PHACTR3: variants seen among roughly 807,000 people sequenced by gnomAD.
PHACTR3 encodes protein phosphatase 1, regulatory subunit 123.
Under a neutral mutation model 66.8 loss-of-function variants are expected in PHACTR3, and 16 were observed. The observed-to-expected ratio is 0.24, with a 90% CI of 0.16 to 0.36. The LOEUF is 0.36. Among genes scored for constraint, PHACTR3 ranks in the 10% least tolerant of loss-of-function variants. The pLI is 1.00. For synonymous variants in PHACTR3, 323 were observed against 292.1 expected (o/e 1.11, Z -1.08); for missense variants, 647 against 719.9 (o/e 0.90, Z 1.16).
intron 1 of PHACTR3, among the ~76,000 whole-genome samples, chr20:59,635,149 T>TTCTTTTTCTTTCTTTCTTTCCTTTCTTCC (rs1555881160): frequency 1.7e-5 from 1 of 60,378 alleles, no homozygotes; most frequent in Non-Finnish European, 3.1e-5. Flanking sequence ...CTTTCTTTCT[T>TTCTTTTTCTTTCTTTCTTTCCTTTCTTCC]TTTCTTTCTT....
intron 4 of PHACTR3, 91 bp from the exon 5 acceptor site, chr20:59,767,095 C>A: frequency 7.6e-7 from 1 of 1,314,734 alleles, no homozygotes; most frequent in African/African-American, 1.5e-5. Context: ...CTTCACGATC[C>A]CATCCCACCA....
chr20:59,723,228 A>G (rs113014650), intron 1 of PHACTR3, among the ~76,000 whole-genome samples: 1 of 151,936 alleles, frequency 6.6e-6, no homozygotes, highest in Non-Finnish European at 1.5e-5. Context: ...ACCACAGTCT[A>G]ATTTTAAAAC....
At chr20:59,745,058 G>A (rs1051602165) in intron 2 of PHACTR3, among the ~76,000 whole-genome samples, 2 of 152,216 alleles carry the variant, frequency 1.3e-5, no homozygotes. Flanking sequence ...GCAGGCCCTG[G>A]GGGGTGGAAA....
chr20:59,598,492 AG>A (rs1274169949), intron 1 of PHACTR3, among the ~76,000 whole-genome samples: 2 of 152,184 alleles, frequency 1.3e-5, no homozygotes, highest in Non-Finnish European at 2.9e-5. Context: ...CTTGACCCCA[AG>A]GAGGGCTAGG....
intron 1 of PHACTR3, among the ~76,000 whole-genome samples, chr20:59,578,594 T>G (rs2032780957): frequency 6.6e-6 from 1 of 152,112 alleles, no homozygotes. Context: ...TTGTCACACC[T>G]GGGGGAACGC....
intron 5 of PHACTR3, among the ~76,000 whole-genome samples, chr20:59,771,945 G>C (rs2040375962): frequency 6.6e-6 from 1 of 152,216 alleles, no homozygotes; most frequent in Non-Finnish European, 1.5e-5. Flanking sequence ...AAGGGATCTG[G>C]TGTTTGCACC....
chr20:59,840,476 GAACAGCTGCTTCGGT>G, intron 10 of PHACTR3, 46 bp downstream of exon 10: 1 of 1,607,044 alleles, frequency 6.2e-7, no homozygotes, highest in South Asian at 1.1e-5. Context: ...GTGGTCTAGA[GAACAGCTGCTTCGGT>G]AGCAGGTGGG....
At chr20:59,658,965 T>C (rs80034788) in intron 1 of PHACTR3, among the ~76,000 whole-genome samples, 4,619 of 152,076 alleles carry the variant, frequency 0.03, 90 homozygotes, top group Non-Finnish European at 0.048. Context: ...TTTTTTTTTT[T>C]TTTTCTCTGC....
intron 8 of PHACTR3, among the ~76,000 whole-genome samples, chr20:59,806,568 AGTCTCT>A (rs2041577092): frequency 6.6e-6 from 1 of 152,204 alleles, no homozygotes; most frequent in Admixed American, 6.5e-5. Flanking sequence ...AGACAGGGGC[AGTCTCT>A]GTTCACCTCT....
At chr20:59,646,393 G>A (rs549623006) in intron 1 of PHACTR3, among the ~76,000 whole-genome samples, 1 of 152,292 alleles carries the variant, frequency 6.6e-6, no homozygotes, top group South Asian at 2.1e-4. Context: ...TTTTACAATA[G>A]GAGCAAGTTA....
intron 7 of PHACTR3, among the ~76,000 whole-genome samples, chr20:59,789,500 C>G (rs2041025915): frequency 6.6e-6 from 1 of 152,064 alleles, no homozygotes; most frequent in Non-Finnish European, 1.5e-5. Context: ...CCACAAAGAC[C>G]AAGACTTAGG....
intron 4 of PHACTR3, among the ~76,000 whole-genome samples, chr20:59,757,563 G>A (rs1163744937): frequency 6.6e-6 from 1 of 152,146 alleles, no homozygotes; most frequent in African/African-American, 2.4e-5. Context: ...GGCTGGAGGT[G>A]TCTGACACAG....
At chr20:59,583,606 G>A (rs2032923623) in intron 1 of PHACTR3, among the ~76,000 whole-genome samples, 1 of 152,236 alleles carries the variant, frequency 6.6e-6, no homozygotes, top group Non-Finnish European at 1.5e-5. Context: ...CAACCCCAGG[G>A]TGCTGGCTTT....
At chr20:59,778,943 C>G (rs923161142) in intron 7 of PHACTR3, among the ~76,000 whole-genome samples, 2 of 152,170 alleles carry the variant, frequency 1.3e-5, no homozygotes, top group African/African-American at 4.8e-5. Context: ...AAACTGCTGT[C>G]GTGAACGTGG....
At chr20:59,708,422 C>T (rs1039703736) in intron 1 of PHACTR3, among the ~76,000 whole-genome samples, 3 of 152,202 alleles carry the variant, frequency 2.0e-5, no homozygotes, top group Non-Finnish European at 4.4e-5. Flanking sequence ...ACATGGAGAA[C>T]CGTGCCCTGG....
At chr20:59,697,395 A>G (rs920175434) in intron 1 of PHACTR3, among the ~76,000 whole-genome samples, 1 of 152,232 alleles carries the variant, frequency 6.6e-6, no homozygotes, top group Admixed American at 6.5e-5. Flanking sequence ...GGTATTTTTC[A>G]TGGTGGCTCA....
At chr20:59,650,857 C>T (rs1277958291) in intron 1 of PHACTR3, among the ~76,000 whole-genome samples, 2 of 151,948 alleles carry the variant, frequency 1.3e-5, no homozygotes, top group Admixed American at 1.3e-4. Context: ...TAGTTGTTAC[C>T]TCTGCAGTGT....
At chr20:59,831,007 CT>C (rs1243286408) in intron 8 of PHACTR3, among the ~76,000 whole-genome samples, 1 of 152,162 alleles carries the variant, frequency 6.6e-6, no homozygotes. Context: ...TCAGCTCCAC[CT>C]CTAGGCCCCT....
chr20:59,785,088 C>T (rs995259150), intron 7 of PHACTR3, among the ~76,000 whole-genome samples: 35 of 152,156 alleles, frequency 2.3e-4, no homozygotes, highest in Non-Finnish European at 4.0e-4. Flanking sequence ...ATGGGGTCTG[C>T]AGGGAGTGTC....
Sources: gnomAD v4.1 joint callset for allele counts (sites outside exome capture counted in the v4.1 genomes callset) on GRCh38, gnomAD v4.1.1 for gene constraint, MANE v1.5 for transcripts, NCBI Gene and HGNC (gene_info 2026-07-23, HGNC 2026-07-21) for gene names.